TRIOBP: variants seen among roughly 807,000 people sequenced by gnomAD.
The protein encoded by TRIOBP is TRIO and F-actin binding protein.
TRIOBP carries 169 observed loss-of-function variants against 238.8 expected under a neutral mutation model. That is an observed-to-expected ratio of 0.71 (90% CI 0.62 to 0.80). TRIOBP has a LOEUF of 0.80. TRIOBP is among the 30% of genes least tolerant of loss of function. The pLI is 0.00. For missense variants in TRIOBP, 2,838 were observed against 3,122.6 expected, an observed-to-expected ratio of 0.91 and a Z score of 2.17; for synonymous variants, 1,150 against 1,274.4, an observed-to-expected ratio of 0.90 and a Z score of 2.08.
intron 7 of TRIOBP, among the ~76,000 whole-genome samples, chr22:37,732,343 T>C (rs138706209): frequency 1.1e-3 from 170 of 152,182 alleles, no homozygotes; most frequent in African/African-American, 4.0e-3. Context: ...GCCCAGTGTC[T>C]TAGAAACAAC....
In TRIOBP at chr22:37,768,882, A is replaced by G. The variant is rs555018959; in HGVS notation, c.6576-146A>G. 32 of 1,073,656 alleles carry G rather than the reference A, an allele frequency of 3.0e-5. No homozygotes were observed. The East Asian group carries it at 7.8e-4, about 26-fold the overall frequency. The allele number at this position is 1,073,656 out of a possible 1,614,324, so 66.5% of individuals were successfully genotyped here. ...ACACCTGTAGCCCAGAGAAGCTGTCACTGGTTCACAGCCCCACAGCAGGCT... is the reference window on the plus strand; with the variant it reads ...ACACCTGTAGCCCAGAGAAGCTGTCGCTGGTTCACAGCCCCACAGCAGGCT... On this transcript the variant is annotated intron_variant, in intron 19 of 23. Transcript: ENST00000644935.
At chr22:37,713,603 GC>G (rs1923369371) in intron 5 of TRIOBP, among the ~76,000 whole-genome samples, 192 bp downstream of exon 5, 1 of 152,226 alleles carries the variant, frequency 6.6e-6, no homozygotes, top group South Asian at 2.1e-4. Context: ...GCACAGGCTG[GC>G]CCAGGGCAGC....
chr22:37,766,680 G>T (rs995234170), intron 18 of TRIOBP, among the ~76,000 whole-genome samples: 19 of 152,260 alleles, frequency 1.2e-4, no homozygotes, highest in African/African-American at 4.3e-4. Flanking sequence ...TTTACCAGAG[G>T]CCCGGTGCAG....
chr22:37,765,915 A>C, intron 18 of TRIOBP, 98 bp downstream of exon 18: 1 of 1,438,456 alleles, frequency 7.0e-7, no homozygotes, highest in South Asian at 1.4e-5. Context: ...AATAAGATGT[A>C]GGGGTCTCAG....
chr22:37,759,899 T>G, intron 17 of TRIOBP: 1 of 393,160 alleles, frequency 2.5e-6, no homozygotes, highest in Non-Finnish European at 3.8e-6. Flanking sequence ...ATTTTACCAA[T>G]AAAAACAATG....
At chr22:37,733,180 C>A in intron 7 of TRIOBP, 118 bp from the exon 8 acceptor site, 1 of 792,022 alleles carries the variant, frequency 1.3e-6, no homozygotes, top group South Asian at 1.5e-5. Flanking sequence ...GGCCCTTCAA[C>A]GAGCTTGCAG....
At chr22:37,750,842 C>CACTG (rs1188621430) in intron 11 of TRIOBP, 12 of 429,564 alleles carry the variant, frequency 2.8e-5, no homozygotes, top group South Asian at 2.0e-4. Flanking sequence ...CCGCCCACTC[C>CACTG]ACTGAGCCAT....
Position 37,708,019 on chromosome 22 carries a change from G to A in TRIOBP, c.115-2408G>A, listed in dbSNP as rs928772794. Among the ~76,000 whole-genome samples the A allele has an allele frequency of 6.6e-5, 10 of 151,264 alleles. 1 individual carries two copies. The highest frequency in any genetic ancestry group is 2.0e-4 in the Admixed American group (3 of 15,144). ...CCCAGCACTTTGGGAGGCCGAGGCG[G>A]GCGGATCACGAGATCAGGAGATCGA... On this transcript the variant is annotated intron_variant, in intron 3 of 23. Coordinates refer to ENST00000644935, the MANE Select transcript of TRIOBP (RefSeq NM_001039141.3).
chr22:37,767,303 T>C (rs1601667675), intron 18 of TRIOBP, among the ~76,000 whole-genome samples: 1 of 8,236 alleles, frequency 1.2e-4, no homozygotes, highest in Non-Finnish European at 2.1e-4. Flanking sequence ...AGACTCTGTC[T>C]CAAAAAAAAA....
intron 7 of TRIOBP, among the ~76,000 whole-genome samples, chr22:37,733,082 A>G (rs1924502286): frequency 1.3e-5 from 2 of 152,244 alleles, no homozygotes; most frequent in African/African-American, 4.8e-5. Context: ...CATGTTCGCA[A>G]GAGCCTCATG....
intron 11 of TRIOBP, chr22:37,746,401 C>T (rs1342803365): frequency 3.5e-6 from 5 of 1,413,558 alleles, no homozygotes; most frequent in Non-Finnish European, 4.7e-6. Context: ...CTCCCGCCGC[C>T]CTGGGGCGCC....
chr22:37,746,042 C>CG (rs1569051565), intron 11 of TRIOBP, among the ~76,000 whole-genome samples: 1 of 136,970 alleles, frequency 7.3e-6, no homozygotes, highest in East Asian at 2.4e-4. Context: ...CCCATCCGCC[C>CG]ACCCCGCCGT....
At position 37,774,512 on chromosome 22, in the gene TRIOBP, TG is replaced by T. The variant is rs1423519752; in HGVS notation, c.*734del. 2 of 152,274 alleles carry T rather than the reference TG, an allele frequency of 1.3e-5. No homozygotes were observed. The highest frequency in any genetic ancestry group is 4.8e-5 in the African/African-American group (2 of 41,460). 9.4% of individuals were successfully genotyped at this position (152,274 alleles called of 1,614,324 possible). ...ACTTAATAAAACGTTCCAGCAGCTC[TG>T]GTGTCCTAGATGGCTGGCAGAACAG... is the stretch of plus-strand genomic sequence containing the variant. On this transcript the variant is annotated 3_prime_UTR_variant, in exon 24 of 24. Coordinates refer to ENST00000644935, the MANE Select transcript of TRIOBP (RefSeq NM_001039141.3).
At chr22:37,761,582 G>A (rs541039482) in intron 17 of TRIOBP, among the ~76,000 whole-genome samples, 86 of 152,298 alleles carry the variant, frequency 5.6e-4, no homozygotes, top group African/African-American at 1.9e-3. Flanking sequence ...CAGGTGTAAG[G>A]CATTAGGAAA....
intron 17 of TRIOBP, among the ~76,000 whole-genome samples, chr22:37,765,277 C>T (rs1926425962): frequency 1.3e-5 from 2 of 151,806 alleles, no homozygotes; most frequent in Non-Finnish European, 2.9e-5. Context: ...AAAACTCTGT[C>T]TCAAAAACAA....
At chr22:37,719,917 A>G (rs780254505) in intron 6 of TRIOBP, among the ~76,000 whole-genome samples, 2 of 119,758 alleles carry the variant, frequency 1.7e-5, no homozygotes, top group Non-Finnish European at 1.8e-5. Context: ...GAACCTGCCA[A>G]TTTATACAAC....
intron 5 of TRIOBP, 119 bp from the exon 6 acceptor site, chr22:37,715,643 AG>A: frequency 1.7e-6 from 2 of 1,206,232 alleles, no homozygotes; most frequent in Non-Finnish European, 2.4e-6. Context: ...GCGCCTGGCC[AG>A]GGAAGTGCTT....
At chr22:37,762,096 G>A (rs928175513) in intron 17 of TRIOBP, among the ~76,000 whole-genome samples, 7 of 152,164 alleles carry the variant, frequency 4.6e-5, no homozygotes, top group African/African-American at 9.6e-5. Context: ...TTAGAGATGA[G>A]GTCTTTTACT....
At chr22:37,719,683 C>T (rs1209775080) in intron 6 of TRIOBP, among the ~76,000 whole-genome samples, 1 of 152,046 alleles carries the variant, frequency 6.6e-6, no homozygotes, top group African/African-American at 2.4e-5. Context: ...TCTGGGCTCC[C>T]CGATCCCTCA....
Sources: gnomAD v4.1 joint callset for allele counts (sites outside exome capture counted in the v4.1 genomes callset) on GRCh38, gnomAD v4.1.1 for gene constraint, MANE v1.5 for transcripts, NCBI Gene and HGNC (gene_info 2026-07-23, HGNC 2026-07-21) for gene names.